The following CTNNBL1 variants were observed in gnomAD, a reference collection of about 807,000 sequenced individuals.
CTNNBL1 encodes catenin beta like 1, also known as beta-catenin-like protein 1.
A neutral mutation model predicts 72.7 loss-of-function variants in CTNNBL1; 31 were observed. The ratio of observed to expected loss-of-function variants is 0.43; its 90% CI spans 0.32 to 0.58. The LOEUF (loss-of-function observed/expected upper bound fraction) is 0.58. Ranked by LOEUF, CTNNBL1 falls within the 20% of genes least tolerant of loss-of-function variation. The probability of loss-of-function intolerance (pLI) is 0.08; values close to 1 mark genes in which losing one functional copy is unlikely to be tolerated. For missense variants in CTNNBL1, 534 were observed against 725.1 expected (o/e 0.74, Z 3.03); for synonymous variants, 240 against 267.3 (o/e 0.90, Z 1.00).
chr20:37,728,790 C>T (rs917002020), intron 1 of CTNNBL1, among the ~76,000 whole-genome samples: 5 of 152,086 alleles, frequency 3.3e-5, no homozygotes, highest in Admixed American at 1.3e-4. Context: ...GTAATGGGTT[C>T]GGCTCTGCCA....
At chr20:37,804,335 C>G (rs1463218674) in intron 11 of CTNNBL1, among the ~76,000 whole-genome samples, 1 of 152,146 alleles carries the variant, frequency 6.6e-6, no homozygotes, top group Admixed American at 6.5e-5. Flanking sequence ...AAGCCTGCCA[C>G]TTTCCTGGCC....
At chr20:37,825,922 C>A (rs924501704) in intron 11 of CTNNBL1, among the ~76,000 whole-genome samples, 7 of 152,182 alleles carry the variant, frequency 4.6e-5, no homozygotes, top group Admixed American at 3.3e-4. Context: ...GTTGTAGGAG[C>A]CATAGAAAAT....
intron 13 of CTNNBL1, among the ~76,000 whole-genome samples, chr20:37,849,655 G>A (rs892784714): frequency 6.6e-6 from 1 of 152,184 alleles, no homozygotes; most frequent in Non-Finnish European, 1.5e-5. Context: ...TCTGCTTAGC[G>A]TTTCCCTGAC....
At chr20:37,867,964 C>T (rs1022141767) in intron 15 of CTNNBL1, among the ~76,000 whole-genome samples, 4 of 152,176 alleles carry the variant, frequency 2.6e-5, no homozygotes, top group African/African-American at 9.7e-5. Context: ...TAGGCCGGGT[C>T]GTCGGACCTG....
At chr20:37,795,852 TA>T (rs149562085) in intron 10 of CTNNBL1, among the ~76,000 whole-genome samples, 3,392 of 152,148 alleles carry the variant, frequency 0.022, 119 homozygotes, top group African/African-American at 0.076. Flanking sequence ...GAATCCCTAG[TA>T]ATTTTTTATG....
At chr20:37,727,584 T>C (rs2073095728) in intron 1 of CTNNBL1, among the ~76,000 whole-genome samples, 1 of 152,254 alleles carries the variant, frequency 6.6e-6, no homozygotes, top group Non-Finnish European at 1.5e-5. Flanking sequence ...TCTAGTCCTG[T>C]GGGCAGCAGA....
intron 5 of CTNNBL1, among the ~76,000 whole-genome samples, chr20:37,761,255 T>C (rs1043374108): frequency 3.3e-5 from 5 of 152,186 alleles, no homozygotes; most frequent in Non-Finnish European, 7.4e-5. Context: ...AGCATTTGCT[T>C]TATAGAAACG....
At chr20:37,721,763 T>C (rs1464397462) in intron 1 of CTNNBL1, among the ~76,000 whole-genome samples, 2 of 152,250 alleles carry the variant, frequency 1.3e-5, no homozygotes, top group African/African-American at 4.8e-5. Context: ...TATTTATGCA[T>C]GCATCCATGG....
At chr20:37,866,931 G>A (rs2072541342) in intron 15 of CTNNBL1, among the ~76,000 whole-genome samples, 1 of 152,124 alleles carries the variant, frequency 6.6e-6, no homozygotes, top group Non-Finnish European at 1.5e-5. Context: ...GACTTCCCCG[G>A]GGCCTTGTGG....
intron 11 of CTNNBL1, among the ~76,000 whole-genome samples, chr20:37,835,414 A>T (rs2072245260): frequency 6.6e-6 from 1 of 152,242 alleles, no homozygotes; most frequent in Non-Finnish European, 1.5e-5. Context: ...TCGTAACAAG[A>T]ACAAAAACAT....
Position 37,760,528 on chromosome 20 carries a change from G to A in CTNNBL1, c.564+2872G>A, listed in dbSNP as rs1031559087. 1.2e-4 allele frequency among the ~76,000 whole-genome samples: 19 copies of A among 152,210 alleles called. 1 individual carries two copies. Among genetic ancestry groups the A allele is most frequent in the African/African-American group, 4.6e-4 (19 of 41,452 alleles). ...ATTATAGATGTCTGTTTATAAGTTT[G>A]TCCTTCCTGAGGTGTGATCCCCGTC... On this transcript the variant is annotated intron_variant, in intron 5 of 15. Coordinates refer to ENST00000361383, the MANE Select transcript of CTNNBL1 (RefSeq NM_030877.5).
chr20:37,865,726 T>C (rs1156892315), intron 15 of CTNNBL1, among the ~76,000 whole-genome samples: 1 of 152,216 alleles, frequency 6.6e-6, no homozygotes, highest in Non-Finnish European at 1.5e-5. Flanking sequence ...TGTTTTAGTC[T>C]CCTGGTGAAA....
At chr20:37,805,409 C>T (rs2071948126) in intron 11 of CTNNBL1, among the ~76,000 whole-genome samples, 1 of 121,598 alleles carries the variant, frequency 8.2e-6, no homozygotes. Flanking sequence ...TTTTTTTTTC[C>T]TTTTTTTTTT....
chr20:37,811,055 T>C (rs1241538241), intron 11 of CTNNBL1, among the ~76,000 whole-genome samples: 1 of 152,234 alleles, frequency 6.6e-6, no homozygotes, highest in Non-Finnish European at 1.5e-5. Context: ...TTCCAGTTTG[T>C]ATTCCTCCTC....
At chr20:37,848,856 G>A (rs2072369953) in intron 13 of CTNNBL1, among the ~76,000 whole-genome samples, 1 of 151,588 alleles carries the variant, frequency 6.6e-6, no homozygotes, top group African/African-American at 2.4e-5. Flanking sequence ...TAAGTGCCAG[G>A]GCCTCCCAAA....
chr20:37,833,586 G>A (rs947280691), intron 11 of CTNNBL1, among the ~76,000 whole-genome samples: 2 of 152,188 alleles, frequency 1.3e-5, no homozygotes, highest in African/African-American at 4.8e-5. Context: ...GTGTGTGCGT[G>A]TGTACATGCA....
intron 1 of CTNNBL1, among the ~76,000 whole-genome samples, chr20:37,718,811 T>TGAAAGATGATGGCAGCAGG (rs2073016365): frequency 6.6e-6 from 1 of 152,224 alleles, no homozygotes; most frequent in African/African-American, 2.4e-5. Context: ...TAGTGTTGGC[T>TGAAAGATGATGGCAGCAGG]GAAAGATGAT....
At chr20:37,781,670 A>G (rs1600484206) in intron 10 of CTNNBL1, among the ~76,000 whole-genome samples, 1 of 152,056 alleles carries the variant, frequency 6.6e-6, no homozygotes, top group East Asian at 1.9e-4. Context: ...TTGGGATGGA[A>G]TTTTTTTTCC....
At chr20:37,724,982 G>T (rs2073071080) in intron 1 of CTNNBL1, among the ~76,000 whole-genome samples, 1 of 150,250 alleles carries the variant, frequency 6.7e-6, no homozygotes, top group African/African-American at 2.5e-5. Flanking sequence ...CATGACCTTG[G>T]CTTACTGCAG....
Sources: gnomAD v4.1 joint callset for allele counts (sites outside exome capture counted in the v4.1 genomes callset) on GRCh38, gnomAD v4.1.1 for gene constraint, MANE v1.5 for transcripts, NCBI Gene and HGNC (gene_info 2026-07-23, HGNC 2026-07-21) for gene names.